The following HSF2BP variants were observed in gnomAD, a reference collection of about 807,000 sequenced individuals.
The protein encoded by HSF2BP is heat shock factor 2-binding protein.
HSF2BP carries 35 observed loss-of-function variants against 35.0 expected under a neutral mutation model. The observed-to-expected ratio is 1.00, with a 90% CI of 0.76 to 1.32. The LOEUF (loss-of-function observed/expected upper bound fraction) is 1.32, where lower values mean the gene tolerates loss of function less well. HSF2BP is among the 40% of genes most tolerant of loss of function. HSF2BP has a pLI of 0.00. For missense variants in HSF2BP, 326 were observed against 321.7 expected (o/e 1.01, Z -0.10); for synonymous variants, 114 against 117.4 (o/e 0.97, Z 0.18).
intron 8 of HSF2BP, among the ~76,000 whole-genome samples, chr21:43,575,583 T>C (rs1009633197): frequency 6.6e-6 from 1 of 152,236 alleles, no homozygotes; most frequent in African/African-American, 2.4e-5. Flanking sequence ...GCATTTTTAC[T>C]TTGGGAGGAA....
chr21:43,608,446 ACAT>A (rs1444598865), intron 7 of HSF2BP, among the ~76,000 whole-genome samples: 1 of 152,142 alleles, frequency 6.6e-6, no homozygotes, highest in Non-Finnish European at 1.5e-5. Context: ...AAGTCAAAAA[ACAT>A]CATGTTGGCA....
At chr21:43,648,349 C>T (rs2082737345) in intron 3 of HSF2BP, among the ~76,000 whole-genome samples, 1 of 152,138 alleles carries the variant, frequency 6.6e-6, no homozygotes. Context: ...TCCATCCTCC[C>T]TGCTGGGCTT....
At chr21:43,640,834 C>T (rs1292731471) in intron 4 of HSF2BP, among the ~76,000 whole-genome samples, 1 of 149,576 alleles carries the variant, frequency 6.7e-6, no homozygotes, top group Non-Finnish European at 1.5e-5. Context: ...TTACTAAAAA[C>T]TATCAAACTA....
the HSF2BP span, among the ~76,000 whole-genome samples, chr21:43,468,081 CAA>C: frequency 1.4e-5 from 2 of 142,316 alleles, no homozygotes; most frequent in African/African-American, 2.6e-5. Flanking sequence ...AAACCACACA[CAA>C]CACACCACAT....
intron 8 of HSF2BP, among the ~76,000 whole-genome samples, chr21:43,578,911 A>G (rs1336478894): frequency 6.6e-6 from 1 of 151,900 alleles, no homozygotes; most frequent in African/African-American, 2.4e-5. Context: ...CTAGTTGTGT[A>G]CCTTCCAGCC....
At chr21:43,653,019 C>T (rs1477320124) in intron 3 of HSF2BP, among the ~76,000 whole-genome samples, 1 of 151,998 alleles carries the variant, frequency 6.6e-6, no homozygotes, top group Non-Finnish European at 1.5e-5. Flanking sequence ...CCTGTAATCC[C>T]AGCTACTCGG....
In HSF2BP at chr21:43,644,310, G is replaced by A. The variant is rs138962676; in HGVS notation, c.270C>T (p.Ala90=). Residue 90 remains alanine (A), a synonymous_variant, in exon 4 of 9, where the codon GCC becomes GCT. Coordinates refer to ENST00000291560, the MANE Select transcript of HSF2BP (RefSeq NM_007031.2). ...HFKARLETVQ[A]DNIREKKEKL... The stretch of plus-strand genomic sequence containing the variant: ...GTACCTTCTTCTCTCTTATGTTGTC[G>A]GCCTGCACGGTTTCCAGGCGGGCTT... The A allele has an allele frequency of 3.7e-5, 60 of 1,613,602 alleles. No individual in the cohort carries two copies. Among genetic ancestry groups the A allele is most frequent in the African/African-American group, 8.0e-5 (6 of 75,020 alleles).
In HSF2BP at chr21:43,576,152, C is replaced by A. The variant is rs568664681; in HGVS notation, c.796+16073G>T. Among the ~76,000 whole-genome samples, 5 of 149,004 alleles carry A rather than the reference C, an allele frequency of 3.4e-5. No individual in the cohort carries two copies. In the South Asian group the frequency reaches 1.1e-3, roughly 31 times the overall value. The stretch of plus-strand genomic sequence containing the variant: ...AAAAAAAAAAAGTCATTTCCAAATT[C>A]TCATATTCAACAGTATGTAATGATA... On this transcript the variant is annotated intron_variant, in intron 8 of 8. Transcript: ENST00000291560.
chr21:43,606,019 C>T (rs556737502), intron 7 of HSF2BP, among the ~76,000 whole-genome samples: 82 of 152,148 alleles, frequency 5.4e-4, no homozygotes, highest in African/African-American at 2.0e-3. Context: ...CACACTCACA[C>T]CCTTGACTCT....
Position 43,658,258 on chromosome 21 carries a change from G to A in HSF2BP, c.-162C>T, listed in dbSNP as rs987756673. ...CAGTATTCTCGGCCTAGAGAGCGAG[G>A]AGTGGCCTTGGCGAGGTCCCTCTTT... On this transcript the variant is annotated 5_prime_UTR_variant, in exon 2 of 9. Coordinates refer to ENST00000291560, the MANE Select transcript of HSF2BP (RefSeq NM_007031.2). 1.2e-6 allele frequency: 1 copy of A among 813,568 alleles called. No homozygotes were observed. Among genetic ancestry groups the A allele is most frequent in the Non-Finnish European group, 1.8e-6 (1 of 543,374 alleles). 50.4% of individuals were successfully genotyped at this position (813,568 alleles called of 1,614,324 possible). A position where few individuals can be genotyped will look rare whatever the true frequency, so the allele number is the denominator to read the frequency against.
intron 6 of HSF2BP, among the ~76,000 whole-genome samples, chr21:43,614,240 G>A (rs984494958): frequency 6.6e-6 from 1 of 151,812 alleles, no homozygotes; most frequent in Non-Finnish European, 1.5e-5. Context: ...GTGTGCACCT[G>A]TAGTCCTAGC....
intron 6 of HSF2BP, among the ~76,000 whole-genome samples, chr21:43,619,538 C>G (rs973585873): frequency 6.6e-6 from 1 of 152,222 alleles, no homozygotes; most frequent in Non-Finnish European, 1.5e-5. Flanking sequence ...AAACTCTGAA[C>G]AGACAGTAAG....
chr21:43,603,570 T>G (rs1215792463), intron 7 of HSF2BP, among the ~76,000 whole-genome samples: 1 of 152,134 alleles, frequency 6.6e-6, no homozygotes, highest in Non-Finnish European at 1.5e-5. Context: ...AGCAGACACC[T>G]GAGAGGCTGA....
chr21:43,613,148 G>A (rs1225919676), intron 7 of HSF2BP, among the ~76,000 whole-genome samples: 1 of 152,178 alleles, frequency 6.6e-6, no homozygotes. Flanking sequence ...CTTGCTGGTA[G>A]CAGAAGAGGA....
intron 7 of HSF2BP, among the ~76,000 whole-genome samples, chr21:43,605,485 CCACA>C (rs956646545): frequency 2.7e-5 from 4 of 146,292 alleles, no homozygotes; most frequent in Admixed American, 6.8e-5. Context: ...CACGCCACAC[CCACA>C]CACACACCCA....
At chr21:43,612,066 T>C (rs916937762) in intron 7 of HSF2BP, among the ~76,000 whole-genome samples, 1 of 152,058 alleles carries the variant, frequency 6.6e-6, no homozygotes, top group African/African-American at 2.4e-5. Context: ...CCAATAGCAC[T>C]GTAAAGACTC....
the HSF2BP span, chr21:43,467,423 C>T: frequency 3.7e-5 from 3 of 82,044 alleles, no homozygotes; most frequent in East Asian, 9.8e-4. Flanking sequence ...ACAGACACAC[C>T]GACCACATCC....
At chr21:43,596,662 C>T (rs758123227) in intron 7 of HSF2BP, among the ~76,000 whole-genome samples, 1 of 151,840 alleles carries the variant, frequency 6.6e-6, no homozygotes, top group African/African-American at 2.4e-5. Context: ...GCCCGGAGTT[C>T]AAAACCAGCT....
chr21:43,637,891 A>T (rs1421316517), intron 4 of HSF2BP, among the ~76,000 whole-genome samples: 6 of 152,196 alleles, frequency 3.9e-5, no homozygotes, highest in Non-Finnish European at 7.3e-5. Context: ...CATCTGCAAA[A>T]ACCTACAGCT....
Sources: allele counts gnomAD v4.1 joint callset (sites outside exome capture counted in the v4.1 genomes callset), GRCh38; gene constraint gnomAD v4.1.1; transcripts MANE v1.5; gene names NCBI Gene and HGNC (gene_info 2026-07-23, HGNC 2026-07-21).